Variants in ARHGAP15 observed in about 807,000 individuals in gnomAD.
The protein encoded by ARHGAP15 is Rho GTPase activating protein 15.
A neutral mutation model predicts 63.7 loss-of-function variants in ARHGAP15; 51 were observed. That is an observed-to-expected ratio of 0.80 (90% CI 0.64 to 1.01). The LOEUF (loss-of-function observed/expected upper bound fraction) is 1.01, where lower values mean the gene tolerates loss of function less well. Among genes scored for constraint, ARHGAP15 ranks in the 50% least tolerant of loss-of-function variants. The pLI is 0.00. For synonymous variants in ARHGAP15, 191 were observed against 193.8 expected (o/e 0.99, Z 0.12); for missense variants, 560 against 564.6 (o/e 0.99, Z 0.08).
intron 2 of ARHGAP15, among the ~76,000 whole-genome samples, chr2:143,184,755 C>T (rs776176535): frequency 6.6e-6 from 1 of 152,056 alleles, no homozygotes; most frequent in African/African-American, 2.4e-5. Context: ...GTTTATAGCT[C>T]ACCACAGCCT....
chr2:143,624,765 A>G (rs527695653), intron 12 of ARHGAP15, among the ~76,000 whole-genome samples: 26 of 152,296 alleles, frequency 1.7e-4, no homozygotes, highest in African/African-American at 6.0e-4. Context: ...GTCAGCCATA[A>G]TTTGCTTATG....
chr2:143,699,932 A>C (rs1371757025), intron 12 of ARHGAP15, among the ~76,000 whole-genome samples: 1 of 152,196 alleles, frequency 6.6e-6, no homozygotes, highest in Admixed American at 6.5e-5. Context: ...CTCCAAGACC[A>C]CACGGCTAAT....
At chr2:143,267,711 C>A (rs939408631) in intron 6 of ARHGAP15, among the ~76,000 whole-genome samples, 2 of 152,036 alleles carry the variant, frequency 1.3e-5, no homozygotes, top group Non-Finnish European at 2.9e-5. Flanking sequence ...TATTTGTATA[C>A]CATTTTTAAA....
intron 6 of ARHGAP15, among the ~76,000 whole-genome samples, chr2:143,297,734 C>A (rs535945366): frequency 4.3e-4 from 65 of 151,940 alleles, no homozygotes; most frequent in Non-Finnish European, 7.7e-4. Flanking sequence ...TCTCTCAAAC[C>A]ATGGAAACTA....
chr2:143,659,889 A>AG (rs1363773915), intron 12 of ARHGAP15, among the ~76,000 whole-genome samples: 1 of 141,798 alleles, frequency 7.1e-6, no homozygotes, highest in Non-Finnish European at 1.6e-5. Flanking sequence ...TTTATCTTGG[A>AG]GTTTTTTTTT....
chr2:143,485,216 A>G (rs971021032), intron 8 of ARHGAP15, among the ~76,000 whole-genome samples: 1 of 151,974 alleles, frequency 6.6e-6, no homozygotes, highest in Non-Finnish European at 1.5e-5. Context: ...TGCATTAGGT[A>G]TTTGTCCTAA....
At chr2:143,520,803 G>A (rs1482039162) in intron 10 of ARHGAP15, among the ~76,000 whole-genome samples, 4 of 152,092 alleles carry the variant, frequency 2.6e-5, no homozygotes, top group Non-Finnish European at 5.9e-5. Context: ...GACAGTGTGA[G>A]CACTATTAGA....
chr2:143,230,194 A>G (rs753800997), intron 5 of ARHGAP15, among the ~76,000 whole-genome samples: 6 of 152,134 alleles, frequency 3.9e-5, no homozygotes, highest in Non-Finnish European at 7.3e-5. Context: ...TGAAAAGATG[A>G]TCTTCCCCTG....
At chr2:143,377,400 C>A (rs959566375) in intron 6 of ARHGAP15, among the ~76,000 whole-genome samples, 1 of 151,716 alleles carries the variant, frequency 6.6e-6, no homozygotes, top group African/African-American at 2.4e-5. Context: ...TTTTGTAATA[C>A]ATAATTATTT....
chr2:143,275,341 G>A (rs746038821), intron 6 of ARHGAP15, among the ~76,000 whole-genome samples: 41 of 152,062 alleles, frequency 2.7e-4, no homozygotes, highest in Non-Finnish European at 5.7e-4. Flanking sequence ...ACACCATCAC[G>A]GAACTATTGA....
At chr2:143,176,344 TAAATC>T (rs1691009320) in intron 2 of ARHGAP15, among the ~76,000 whole-genome samples, 1 of 152,154 alleles carries the variant, frequency 6.6e-6, no homozygotes, top group Non-Finnish European at 1.5e-5. Context: ...AATAAGAAAA[TAAATC>T]TAACTACTTT....
intron 6 of ARHGAP15, among the ~76,000 whole-genome samples, chr2:143,262,092 T>A (rs1680750752): frequency 6.6e-6 from 1 of 152,094 alleles, no homozygotes; most frequent in South Asian, 2.1e-4. Flanking sequence ...GTAAAAGATG[T>A]GTAACGCGTG....
chr2:143,168,519 A>G (rs1209209243), intron 2 of ARHGAP15, among the ~76,000 whole-genome samples: 1 of 152,130 alleles, frequency 6.6e-6, no homozygotes, highest in African/African-American at 2.4e-5. Context: ...ATAAATTAAG[A>G]AACATCTTGC....
At chr2:143,216,043 T>TTTC (rs1671979096) in intron 3 of ARHGAP15, among the ~76,000 whole-genome samples, 1 of 152,236 alleles carries the variant, frequency 6.6e-6, no homozygotes, top group African/African-American at 2.4e-5. Context: ...CTAAGGATAC[T>TTTC]TGGTAAAATA....
chr2:143,424,522 G>A (rs1689065033), intron 6 of ARHGAP15, among the ~76,000 whole-genome samples: 1 of 151,964 alleles, frequency 6.6e-6, no homozygotes, highest in African/African-American at 2.4e-5. Flanking sequence ...AGAGGGCATA[G>A]GGACAGCTTC....
intron 1 of ARHGAP15, among the ~76,000 whole-genome samples, chr2:143,143,558 A>AT (rs1689458603): frequency 1.6e-5 from 2 of 127,016 alleles, no homozygotes; most frequent in African/African-American, 6.1e-5. Flanking sequence ...AAGGAGAGCT[A>AT]TTTTCTTTCT....
At chr2:143,386,739 G>A (rs1687302934) in intron 6 of ARHGAP15, among the ~76,000 whole-genome samples, 1 of 152,114 alleles carries the variant, frequency 6.6e-6, no homozygotes, top group Non-Finnish European at 1.5e-5. Flanking sequence ...GTACAAGCAT[G>A]CACAACAACC....
chr2:143,701,821 A>G (rs1463401970), intron 12 of ARHGAP15, among the ~76,000 whole-genome samples: 1 of 152,114 alleles, frequency 6.6e-6, no homozygotes, highest in Non-Finnish European at 1.5e-5. Context: ...TGTGTATTTC[A>G]CTCCACAGAG....
intron 12 of ARHGAP15, among the ~76,000 whole-genome samples, chr2:143,626,708 G>A (rs978048521): frequency 2.6e-5 from 4 of 152,072 alleles, no homozygotes; most frequent in African/African-American, 9.7e-5. Context: ...GCATTTTACA[G>A]AGCACTGGTT....
Sources: allele counts gnomAD v4.1 joint callset (sites outside exome capture counted in the v4.1 genomes callset), GRCh38; gene constraint gnomAD v4.1.1; transcripts MANE v1.5; gene names NCBI Gene and HGNC (gene_info 2026-07-23, HGNC 2026-07-21).